The following FRMD3 variants were observed in gnomAD, a reference collection of about 807,000 sequenced individuals.
The protein encoded by FRMD3 is FERM domain-containing protein 3.
Under a neutral mutation model 70.2 loss-of-function variants are expected in FRMD3, and 33 were observed. The observed-to-expected ratio is 0.47, with a 90% confidence interval of 0.36 to 0.63. The LOEUF (loss-of-function observed/expected upper bound fraction) is 0.63, where lower values mean the gene tolerates loss of function less well. Ranked by LOEUF, FRMD3 falls within the 20% of genes least tolerant of loss-of-function variation. FRMD3 has a pLI of 0.00. For synonymous variants in FRMD3, 279 were observed against 255.9 expected (o/e 1.09, Z -0.86); for missense variants, 632 against 711.4 (o/e 0.89, Z 1.27).
the FRMD3 span, among the ~76,000 whole-genome samples, chr9:83,581,236 T>C: frequency 6.6e-6 from 1 of 152,022 alleles, no homozygotes; most frequent in South Asian, 2.1e-4. Flanking sequence ...GTTAAGGAAA[T>C]TGTATACCAA....
chr9:83,272,542 G>C (rs1404992862), intron 13 of FRMD3, among the ~76,000 whole-genome samples: 1 of 152,200 alleles, frequency 6.6e-6, no homozygotes, highest in East Asian at 1.9e-4. Context: ...TCTGGGAAGT[G>C]AGGAGCATCT....
downstream of FRMD3, among the ~76,000 whole-genome samples, chr9:83,244,155 G>A (rs556962072): frequency 1.1e-4 from 16 of 148,976 alleles, no homozygotes; most frequent in South Asian, 1.3e-3. Flanking sequence ...AAGTGGAATC[G>A]TGAGATTCCT....
At chr9:83,520,422 T>C (rs1829546213) in intron 1 of FRMD3, among the ~76,000 whole-genome samples, 1 of 152,254 alleles carries the variant, frequency 6.6e-6, no homozygotes, top group Non-Finnish European at 1.5e-5. Context: ...AAAGCTTCCC[T>C]GCATTGCTCC....
intron 5 of FRMD3, among the ~76,000 whole-genome samples, chr9:83,342,098 C>A (rs939557690): frequency 6.7e-6 from 1 of 150,276 alleles, no homozygotes; most frequent in African/African-American, 2.5e-5. Flanking sequence ...CCTTCTCTCT[C>A]ATAAACATGT....
chr9:83,301,503 C>A (rs1327720381), intron 10 of FRMD3, among the ~76,000 whole-genome samples: 1 of 143,380 alleles, frequency 7.0e-6, no homozygotes, highest in African/African-American at 2.6e-5. Flanking sequence ...TCCTAAAGAT[C>A]CTTGGGACAA....
intron 13 of FRMD3, among the ~76,000 whole-genome samples, chr9:83,253,271 T>G (rs991769962): frequency 6.6e-6 from 1 of 152,124 alleles, no homozygotes; most frequent in Non-Finnish European, 1.5e-5. Flanking sequence ...GAATGACTCT[T>G]GGGTAAATAA....
intron 7 of FRMD3, among the ~76,000 whole-genome samples, chr9:83,313,389 G>A (rs1364891296): frequency 6.6e-6 from 1 of 152,138 alleles, no homozygotes; most frequent in Non-Finnish European, 1.5e-5. Flanking sequence ...CTCCTCAGGG[G>A]CCAAACCATC....
chr9:83,270,426 G>A (rs1833495978), intron 13 of FRMD3, among the ~76,000 whole-genome samples: 1 of 152,184 alleles, frequency 6.6e-6, no homozygotes, highest in African/African-American at 2.4e-5. Context: ...CCTCTACTTT[G>A]TGAGTGGCTA....
chr9:83,479,704 G>GAAAGAAAGAAAGAAAGAAAGAAAGAA (rs1828505404), intron 1 of FRMD3, among the ~76,000 whole-genome samples: 35 of 64,912 alleles, frequency 5.4e-4, no homozygotes, highest in African/African-American at 2.5e-3. Context: ...AAGAAAGAAA[G>GAAAGAAAGAAAGAAAGAAAGAAAGAA]AAAGAAAGAA....
chr9:83,279,402 T>G (rs1332868559), intron 13 of FRMD3: 2 of 152,194 alleles, frequency 1.3e-5, no homozygotes, highest in African/African-American at 4.8e-5. Context: ...ATGTCTCAGT[T>G]ACCACATTTA....
At chr9:83,244,456 A>G (rs1234957848), downstream of FRMD3, among the ~76,000 whole-genome samples, 1 of 151,386 alleles carries the variant, frequency 6.6e-6, no homozygotes, top group African/African-American at 2.4e-5. Flanking sequence ...GGCCTGGATG[A>G]CTTCTGCAAA....
chr9:83,468,041 A>G (rs1380261505), intron 1 of FRMD3, among the ~76,000 whole-genome samples: 1 of 152,236 alleles, frequency 6.6e-6, no homozygotes, highest in African/African-American at 2.4e-5. Flanking sequence ...CATCAGCCAA[A>G]AAATGAGTTC....
chr9:83,435,676 T>G (rs1307606083), intron 1 of FRMD3, among the ~76,000 whole-genome samples: 2 of 152,184 alleles, frequency 1.3e-5, no homozygotes, highest in African/African-American at 4.8e-5. Context: ...CCAGTTTTAT[T>G]TGGGTTTGAG....
At chr9:83,364,488 G>A (rs906288299) in intron 3 of FRMD3, among the ~76,000 whole-genome samples, 3 of 151,876 alleles carry the variant, frequency 2.0e-5, no homozygotes, top group Non-Finnish European at 2.9e-5. Flanking sequence ...CCCTGGAGGC[G>A]GAGGTTGCAG....
chr9:83,334,081 C>A (rs144382247), intron 6 of FRMD3, among the ~76,000 whole-genome samples: 51 of 152,248 alleles, frequency 3.3e-4, no homozygotes, highest in African/African-American at 1.2e-3. Context: ...TCAATTCAAA[C>A]AGTGGGTGCA....
At chr9:83,484,015 G>A (rs1402432168) in intron 1 of FRMD3, among the ~76,000 whole-genome samples, 1 of 152,150 alleles carries the variant, frequency 6.6e-6, no homozygotes, top group African/African-American at 2.4e-5. Context: ...AAGAGAATTT[G>A]CTCAATTCTT....
intron 13 of FRMD3, chr9:83,276,660 A>G (rs1370611861): frequency 6.6e-6 from 1 of 152,256 alleles, no homozygotes; most frequent in Admixed American, 6.5e-5. Context: ...TGGTCGCTAC[A>G]TGCAAAACAA....
chr9:83,419,957 C>T (rs1346228479), intron 1 of FRMD3, among the ~76,000 whole-genome samples: 2 of 152,180 alleles, frequency 1.3e-5, no homozygotes, highest in Admixed American at 1.3e-4. Context: ...AAAACAACCT[C>T]AGGTAGACCA....
chr9:83,554,981 T>C, the FRMD3 span, among the ~76,000 whole-genome samples: 1 of 152,224 alleles, frequency 6.6e-6, no homozygotes, highest in Non-Finnish European at 1.5e-5. Context: ...GCAGGCAGCC[T>C]GTCCCTCCCT....
Sources: allele counts gnomAD v4.1 joint callset (sites outside exome capture counted in the v4.1 genomes callset), GRCh38; gene constraint gnomAD v4.1.1; transcripts MANE v1.5; gene names NCBI Gene and HGNC (gene_info 2026-07-23, HGNC 2026-07-21).